PLAUR: variants seen among roughly 807,000 people sequenced by gnomAD.
The protein encoded by PLAUR is plasminogen activator, urokinase receptor, also known as urokinase plasminogen activator surface receptor.
A neutral mutation model predicts 33.4 loss-of-function variants in PLAUR; 22 were observed. That is an observed-to-expected ratio of 0.66 (90% CI 0.47 to 0.94). The LOEUF is 0.94. PLAUR is among the 40% of genes least tolerant of loss of function. The probability of loss-of-function intolerance (pLI) is 0.00; values close to 1 mark genes in which losing one functional copy is unlikely to be tolerated. For missense variants in PLAUR, 408 were observed against 434.7 expected (o/e 0.94, Z 0.55); for synonymous variants, 148 against 167.3 (o/e 0.88, Z 0.89).
In PLAUR at chr19:43,655,488, G is replaced by A. The variant is rs753581943; in HGVS notation, c.558C>T (p.Thr186=). 6.2e-7 allele frequency: 1 copy of A among 1,614,208 alleles called. No homozygotes were observed. Among genetic ancestry groups the A allele is most frequent in the Non-Finnish European group, 8.5e-7 (1 of 1,180,038 alleles). The change falls in exon 5 of 7, where the codon ACC becomes ACT. Residue 186 remains threonine, a synonymous_variant. Transcript: ENST00000340093. ...PGSNGFHNND[T]FHFLKCCNTT... ...TGTTGCAGCATTTCAGGAAGTGGAA[G>A]GTGTCGTTGTTGTGGAAACCATTGG...
rs749759698 is a variant in PLAUR, at chr19:43,667,601, G to A, written c.146C>T (p.Thr49Met). The part of the protein sequence containing the change: ...CALGQDLCRT[T>M]IVRLWEEGEE... ...CTCACCTTCCCACAAGCGCACGATC[G>A]TGGTCCTGCAGAGGTCCTGTCCCAG... is the stretch of plus-strand genomic sequence containing the variant. The change falls in exon 2 of 7, where the codon ACG becomes ATG. Residue 49 changes from threonine (T) to methionine (M), a missense_variant. Coordinates refer to ENST00000340093, the MANE Select transcript of PLAUR (RefSeq NM_002659.4). 1 of 1,613,318 alleles carries A rather than the reference G, an allele frequency of 6.2e-7. No homozygotes were observed. The highest frequency in any genetic ancestry group is 8.5e-7 in the Non-Finnish European group (1 of 1,179,360).
chr19:43,665,220 T>G (rs1447445085), intron 3 of PLAUR, 96 bp downstream of exon 3: 34 of 1,298,036 alleles, frequency 2.6e-5, no homozygotes, highest in Non-Finnish European at 3.3e-6. Context: ...GGAGTTGGGG[T>G]TCAGCTGATG....
At position 43,648,780 on chromosome 19, in the gene PLAUR, A is replaced by G; in HGVS notation, c.*110T>C. ...TAGCTGGGAAAACTGAGGCCCAGAG[A>G]GGTCGGCACACTGGCCTGAGGTCAC... is the stretch of plus-strand genomic sequence containing the variant. On this transcript the variant is annotated 3_prime_UTR_variant, in exon 7 of 7. Transcript: ENST00000340093. The G allele has an allele frequency of 8.5e-7, 1 of 1,177,124 alleles. No individual in the cohort carries two copies. The highest frequency in any genetic ancestry group is 2.3e-5 in the Admixed American group (1 of 44,294). The allele number at this position is 1,177,124 out of a possible 1,614,324, so 72.9% of individuals were successfully genotyped here.
chr19:43,649,362 C>A (rs150300963), intron 6 of PLAUR, among the ~76,000 whole-genome samples: 1 of 152,054 alleles, frequency 6.6e-6, no homozygotes, highest in African/African-American at 2.4e-5. Context: ...CCAGACCAGC[C>A]TGGACAACAT....
Position 43,652,349 on chromosome 19 carries a change from C to T in PLAUR, c.630G>A (p.Pro210=), listed in dbSNP as rs775762432. Residue 210 remains proline, a synonymous_variant, in exon 6 of 7, where the codon CCG becomes CCA. Transcript: ENST00000340093. ...EGPILELENL[P]QNGRQCYSCK... is the part of the protein sequence containing the mutation. ...AGCTGTAACACTGGCGGCCATTCTG[C>T]GGCAGATTTTCAAGCTCCAGGACTT... The T allele has an allele frequency of 9.9e-6, 16 of 1,613,902 alleles. No homozygotes were observed. Among genetic ancestry groups the T allele is most frequent in the African/African-American group, 1.3e-5 (1 of 74,914 alleles).
intron 3 of PLAUR, among the ~76,000 whole-genome samples, chr19:43,663,300 T>TACACACACACAC (rs59542257): frequency 4.6e-5 from 6 of 131,822 alleles, no homozygotes; most frequent in Non-Finnish European, 9.7e-5. Context: ...CTGTCACCCC[T>TACACACACACAC]ACACACACAC....
At chr19:43,664,405 A>C (rs1185599909) in intron 3 of PLAUR, among the ~76,000 whole-genome samples, 1 of 151,684 alleles carries the variant, frequency 6.6e-6, no homozygotes, top group Non-Finnish European at 1.5e-5. Flanking sequence ...TTCCTTCCCC[A>C]CCCTTCCTCT....
chr19:43,655,299 AG>A, intron 5 of PLAUR, 139 bp downstream of exon 5: 27 of 641,606 alleles, frequency 4.2e-5, no homozygotes, highest in South Asian at 1.3e-4. Flanking sequence ...AAAAAAAAAA[AG>A]GCCTGATACT....
At chr19:43,653,847 C>T (rs973062796) in intron 5 of PLAUR, among the ~76,000 whole-genome samples, 2 of 150,928 alleles carry the variant, frequency 1.3e-5, no homozygotes, top group African/African-American at 4.9e-5. Context: ...TGGGTGCGGC[C>T]GGGCGTGGTG....
At chr19:43,659,200 T>C (rs1974339649) in intron 3 of PLAUR, among the ~76,000 whole-genome samples, 1 of 139,444 alleles carries the variant, frequency 7.2e-6, no homozygotes, top group Non-Finnish European at 1.5e-5. Flanking sequence ...GGTCTTGCTC[T>C]GTCCCAAGGC....
rs193125108 is a variant in PLAUR at position 43,648,831 on chromosome 19, C to A, written c.*59G>T. 3.5e-5 allele frequency: 54 copies of A among 1,549,814 alleles called. No homozygotes were observed. The highest frequency in any genetic ancestry group is 1.8e-5 in the Non-Finnish European group (20 of 1,135,714). On this transcript the variant is annotated 3_prime_UTR_variant, in exon 7 of 7. Transcript: ENST00000340093. ...ACAGCAAGTCTGTAGGGCTGGGAGC[C>A]GAGGGAAGGGCAAAGGGGTCCCCCG...
chr19:43,651,455 G>A (rs4251915), intron 6 of PLAUR, among the ~76,000 whole-genome samples: 4,168 of 143,002 alleles, frequency 0.029, 75 homozygotes, highest in Middle Eastern at 0.065. Context: ...TTTTTTTTGA[G>A]ACAAAGTCTC....
At chr19:43,667,878 C>T in intron 1 of PLAUR, 187 bp from the exon 2 acceptor site, 1 of 1,426,838 alleles carries the variant, frequency 7.0e-7, no homozygotes, top group Admixed American at 2.7e-5. Context: ...TCTACCTCCA[C>T]CCCACTAACT....
chr19:43,646,809 T>G (rs1217063999), downstream of PLAUR, among the ~76,000 whole-genome samples: 2 of 140,896 alleles, frequency 1.4e-5, no homozygotes, highest in East Asian at 4.1e-4. Context: ...TTTTTTTTTT[T>G]TTGGGGATAG....
chr19:43,655,656 C>G, intron 4 of PLAUR, 83 bp from the exon 5 acceptor site: 7 of 1,263,530 alleles, frequency 5.5e-6, no homozygotes, highest in Non-Finnish European at 6.6e-6. Flanking sequence ...AGCAGGCATT[C>G]AACCATTCTC....
chr19:43,668,336 G>T, intron 1 of PLAUR: 2 of 983,528 alleles, frequency 2.0e-6, no homozygotes, highest in Non-Finnish European at 2.4e-6. Context: ...TTTTGGCCCC[G>T]CTCCAGACTC....
intron 1 of PLAUR, chr19:43,667,982 A>C: frequency 8.0e-7 from 1 of 1,250,912 alleles, no homozygotes; most frequent in Non-Finnish European, 1.0e-6. Flanking sequence ...ATATCCTGAC[A>C]GTCGTATCCC....
chr19:43,647,775 A>C (rs1973847494), downstream of PLAUR, among the ~76,000 whole-genome samples: 1 of 152,080 alleles, frequency 6.6e-6, no homozygotes, highest in African/African-American at 2.4e-5. Context: ...ATTGCACTCC[A>C]GCCTGGGCAA....
chr19:43,662,632 C>A (rs1967049978), intron 3 of PLAUR, among the ~76,000 whole-genome samples: 1 of 152,160 alleles, frequency 6.6e-6, no homozygotes, highest in African/African-American at 2.4e-5. Flanking sequence ...GCTCATCTCG[C>A]CCCACTGTAC....
Sources: gnomAD v4.1 joint callset for allele counts (sites outside exome capture counted in the v4.1 genomes callset) on GRCh38, gnomAD v4.1.1 for gene constraint, MANE v1.5 for transcripts, NCBI Gene and HGNC (gene_info 2026-07-23, HGNC 2026-07-21) for gene names.